UTS2B: variants seen among roughly 807,000 people sequenced by gnomAD.
UTS2B encodes urotensin 2B.
Under a neutral mutation model 19.2 loss-of-function variants are expected in UTS2B, and 21 were observed. The ratio of observed to expected loss-of-function variants is 1.09; its 90% CI spans 0.78 to 1.58. The LOEUF (loss-of-function observed/expected upper bound fraction) is 1.58. Among genes scored for constraint, UTS2B ranks in the 40% most tolerant of loss-of-function variants. The probability of loss-of-function intolerance (pLI) is 0.00; values close to 1 mark genes in which losing one functional copy is unlikely to be tolerated. For missense variants in UTS2B, 138 were observed against 130.3 expected (o/e 1.06, Z -0.29); for synonymous variants, 57 against 50.2 (o/e 1.14, Z -0.58).
intron 8 of UTS2B, among the ~76,000 whole-genome samples, chr3:191,269,316 C>A (rs747371714): frequency 1.3e-5 from 2 of 152,104 alleles, no homozygotes; most frequent in Non-Finnish European, 2.9e-5. Flanking sequence ...TACACCGTAG[C>A]CCCTGTGCTT....
chr3:191,307,569 A>C (rs1379823249), intron 3 of UTS2B, among the ~76,000 whole-genome samples: 1 of 152,220 alleles, frequency 6.6e-6, no homozygotes, highest in Middle Eastern at 3.2e-3. Context: ...ATAAGAGATC[A>C]GTTCATGATG....
chr3:191,281,788 C>T (rs960258705), intron 5 of UTS2B, among the ~76,000 whole-genome samples: 2 of 151,054 alleles, frequency 1.3e-5, no homozygotes, highest in Non-Finnish European at 3.0e-5. Context: ...AATCTTTGGT[C>T]AGGGACTACA....
intron 1 of UTS2B, among the ~76,000 whole-genome samples, chr3:191,329,954 G>GT (rs1457908639): frequency 1.4e-5 from 2 of 138,236 alleles, no homozygotes; most frequent in Admixed American, 7.4e-5. Context: ...GGGGGGGGGG[G>GT]GGCTAGCAGC....
chr3:191,284,683 G>A (rs535683850), intron 4 of UTS2B, among the ~76,000 whole-genome samples: 2 of 151,456 alleles, frequency 1.3e-5, no homozygotes, highest in East Asian at 4.0e-4. Flanking sequence ...CTCTTTGGGA[G>A]GCTGAGGTGG....
the UTS2B span, among the ~76,000 whole-genome samples, chr3:191,342,324 G>C: frequency 6.6e-6 from 1 of 152,124 alleles, no homozygotes; most frequent in Non-Finnish European, 1.5e-5. Flanking sequence ...AAGTAAAGTT[G>C]TTGGGGAATT....
Position 191,275,240 on chromosome 3 carries a change from A to G in UTS2B, c.334+12T>C, listed in dbSNP as rs1183729131. 1 of 1,585,354 alleles carries G rather than the reference A, an allele frequency of 6.3e-7. No homozygotes were observed. The highest frequency in any genetic ancestry group is 8.6e-7 in the Non-Finnish European group (1 of 1,162,798). ...TGGAAGTCAATCTTAAAACCTTGAAATGAAAGCTTACCTCGTTTGCTAGGA... is the reference window on the plus strand; with the variant it reads ...TGGAAGTCAATCTTAAAACCTTGAAGTGAAAGCTTACCTCGTTTGCTAGGA... On this transcript the variant is annotated intron_variant, in intron 8 of 8. Coordinates refer to ENST00000340524, the MANE Select transcript of UTS2B (RefSeq NM_198152.5).
intron 4 of UTS2B, among the ~76,000 whole-genome samples, chr3:191,289,353 G>A (rs1387653630): frequency 6.6e-6 from 1 of 151,700 alleles, no homozygotes; most frequent in Non-Finnish European, 1.5e-5. Context: ...AGCTTGCAGT[G>A]AGTGGAGATT....
chr3:191,332,790 C>A (rs1560152788), upstream of UTS2B, among the ~76,000 whole-genome samples: 1 of 152,198 alleles, frequency 6.6e-6, no homozygotes, highest in Non-Finnish European at 1.5e-5. Context: ...CTCCCTACTT[C>A]CTTTTGCTCT....
chr3:191,322,714 G>T (rs1717642073), intron 2 of UTS2B, among the ~76,000 whole-genome samples: 1 of 152,186 alleles, frequency 6.6e-6, no homozygotes, highest in African/African-American at 2.4e-5. Flanking sequence ...AGTAGAGAGA[G>T]AAAATTTTGG....
chr3:191,327,036 T>A (rs1325409150), intron 2 of UTS2B, among the ~76,000 whole-genome samples: 2 of 152,270 alleles, frequency 1.3e-5, no homozygotes, highest in African/African-American at 4.8e-5. Context: ...TGGATATTTT[T>A]ATGCATATCT....
chr3:191,316,525 T>G (rs1460277697), intron 2 of UTS2B, 86 bp from the exon 3 acceptor site: 1 of 151,674 alleles, frequency 6.6e-6, no homozygotes, highest in Non-Finnish European at 1.5e-5. Flanking sequence ...CTGCTTTTAT[T>G]CCCTTATCTG....
chr3:191,273,116 C>T (rs796472639), intron 8 of UTS2B, among the ~76,000 whole-genome samples: 8 of 152,152 alleles, frequency 5.3e-5, no homozygotes, highest in East Asian at 3.9e-4. Context: ...TGCAGTGAGC[C>T]GAGATCGCAC....
intron 8 of UTS2B, chr3:191,273,424 T>C (rs922307001): frequency 2.9e-5 from 13 of 454,840 alleles, no homozygotes; most frequent in Admixed American, 7.1e-5. Flanking sequence ...CAGTGACTAA[T>C]CCCGGCCAAT....
intron 2 of UTS2B, chr3:191,328,374 T>G (rs1394709543): frequency 6.6e-6 from 1 of 152,262 alleles, no homozygotes; most frequent in Non-Finnish European, 1.5e-5. Context: ...TGTGGTAACA[T>G]CAGAACATGC....
intron 1 of UTS2B, chr3:191,329,520 C>T: frequency 1.4e-5 from 9 of 653,918 alleles, no homozygotes; most frequent in Non-Finnish European, 2.2e-5. Flanking sequence ...GTCACCAGCC[C>T]CTGCCCGCCC....
intron 4 of UTS2B, among the ~76,000 whole-genome samples, chr3:191,298,672 A>G (rs1395472343): frequency 6.6e-6 from 1 of 152,204 alleles, no homozygotes; most frequent in African/African-American, 2.4e-5. Context: ...GGAGTGGAGC[A>G]CTGTTATAAA....
intron 3 of UTS2B, among the ~76,000 whole-genome samples, chr3:191,314,705 C>A (rs1717399858): frequency 6.6e-6 from 1 of 152,154 alleles, no homozygotes; most frequent in Non-Finnish European, 1.5e-5. Context: ...CACTCCACAA[C>A]CTCCAGAGAT....
chr3:191,321,106 T>C (rs528906892), intron 2 of UTS2B, among the ~76,000 whole-genome samples: 104 of 152,320 alleles, frequency 6.8e-4, no homozygotes, highest in African/African-American at 2.4e-3. Flanking sequence ...AACTGGAGTA[T>C]TGTCTGAATC....
intron 4 of UTS2B, among the ~76,000 whole-genome samples, chr3:191,302,077 G>A (rs1302065146): frequency 6.6e-6 from 1 of 152,188 alleles, no homozygotes; most frequent in Non-Finnish European, 1.5e-5. Flanking sequence ...TGCAGGTCAT[G>A]CAGACACTGA....
Sources: gnomAD v4.1 joint callset for allele counts (sites outside exome capture counted in the v4.1 genomes callset) on GRCh38, gnomAD v4.1.1 for gene constraint, MANE v1.5 for transcripts, NCBI Gene and HGNC (gene_info 2026-07-23, HGNC 2026-07-21) for gene names.